Variants in DTL observed in about 807,000 individuals in gnomAD.
DTL encodes denticleless E3 ubiquitin protein ligase adapter.
In DTL, 46 loss-of-function variants were observed where a neutral mutation model predicts 87.0. That is an observed-to-expected ratio of 0.53 (90% CI 0.42 to 0.68). DTL has a LOEUF of 0.68. DTL is among the 30% of genes least tolerant of loss of function. DTL has a pLI of 0.00. For synonymous variants in DTL, 308 were observed against 311.2 expected, an observed-to-expected ratio of 0.99 and a Z score of 0.11; for missense variants, 737 against 869.4, an observed-to-expected ratio of 0.85 and a Z score of 1.91.
At chr1:212,102,717 TTTG>T (rs1655659692) in intron 14 of DTL, 122 bp from the exon 15 acceptor site, 1 of 633,702 alleles carries the variant, frequency 1.6e-6, no homozygotes, top group Non-Finnish European at 2.8e-6. Flanking sequence ...ATTGAAAGTA[TTTG>T]GAGCTGAAAG....
At chr1:212,082,673 A>G (rs1322658925) in intron 13 of DTL, among the ~76,000 whole-genome samples, 1 of 152,192 alleles carries the variant, frequency 6.6e-6, no homozygotes, top group East Asian at 1.9e-4. Flanking sequence ...AGATGGCCAT[A>G]ACTTACAGAA....
At chr1:212,037,162 C>T (rs1260033418) in intron 1 of DTL, among the ~76,000 whole-genome samples, 1 of 152,146 alleles carries the variant, frequency 6.6e-6, no homozygotes, top group Non-Finnish European at 1.5e-5. Flanking sequence ...ACTTCCACAC[C>T]TTACTATATG....
intron 11 of DTL, 40 bp from the exon 12 acceptor site, chr1:212,078,133 A>G (rs1334310102): frequency 2.4e-6 from 3 of 1,245,280 alleles, no homozygotes; most frequent in Non-Finnish European, 3.5e-6. Flanking sequence ...TGGGAAATCT[A>G]ATATTGCTTT....
At position 212,080,749 on chromosome 1, in the gene DTL, A is replaced by C. The variant is rs776489500; in HGVS notation, c.1260A>C (p.Leu420=). The C allele has an allele frequency of 6.2e-7, 1 of 1,613,312 alleles. No individual in the cohort carries two copies. Among genetic ancestry groups the C allele is most frequent in the East Asian group, 2.2e-5 (1 of 44,860 alleles). ...SQKKKESRPG[L]VTVTSSQSTP... is the part of the protein sequence containing the mutation. ...AGAAAAAAGAGTCAAGACCTGGCCT[A>C]GGTAAGGATATCATATACTTTCCAA... Residue 420 remains leucine (L), a splice_region_variant and synonymous_variant, in exon 13 of 15, where the codon CTA becomes CTC. Coordinates refer to ENST00000366991, the MANE Select transcript of DTL (RefSeq NM_016448.4).
intron 13 of DTL, among the ~76,000 whole-genome samples, chr1:212,098,530 G>T (rs1414861141): frequency 6.6e-6 from 1 of 152,132 alleles, no homozygotes; most frequent in Non-Finnish European, 1.5e-5. Context: ...AGACCATCTG[G>T]TGGGGGCAGG....
chr1:212,073,026 A>C (rs1486441401), intron 11 of DTL, among the ~76,000 whole-genome samples: 1 of 152,148 alleles, frequency 6.6e-6, no homozygotes, highest in Non-Finnish European at 1.5e-5. Flanking sequence ...TGGCCTCCCA[A>C]AGTGCTGGGA....
chr1:212,068,592 T>C lies in DTL; in HGVS notation c.818-7T>C, dbSNP rs1654580305. On this transcript the variant is annotated splice_region_variant and splice_polypyrimidine_tract_variant and intron_variant, in intron 9 of 14. Coordinates refer to ENST00000366991, the MANE Select transcript of DTL (RefSeq NM_016448.4). ...AGGACGTGCTAACTTAAGTTTCCTT[T>C]TTCCAGGATATTCAAGTCTGATTTT... 1 of 1,598,292 alleles carries C rather than the reference T, an allele frequency of 6.3e-7. No individual in the cohort carries two copies. The highest frequency in any genetic ancestry group is 1.1e-5 in the South Asian group (1 of 90,454).
chr1:212,080,482 ATAT>A, intron 12 of DTL, 130 bp from the exon 13 acceptor site: 2 of 793,562 alleles, frequency 2.5e-6, no homozygotes, highest in South Asian at 2.4e-5. Flanking sequence ...GATCTTTAAG[ATAT>A]TATTTTCTAT....
rs1028255579 is a variant in DTL, at chr1:212,102,733, G to A, written c.2095-109G>A. ...TTGAAAGTATTTGGAGCTGAAAGCA[G>A]GCTAAACAATGAAATTTCTGGCAGC... On this transcript the variant is annotated intron_variant, in intron 14 of 14. Transcript: ENST00000366991. 5.6e-6 allele frequency: 4 copies of A among 719,050 alleles called. No homozygotes were observed. In the East Asian group the frequency reaches 7.8e-5, roughly 14 times the overall value. 44.5% of individuals were successfully genotyped at this position (719,050 alleles called of 1,614,324 possible). A position where few individuals can be genotyped will look rare whatever the true frequency, so the allele number is the denominator to read the frequency against.
intron 3 of DTL, 23 bp downstream of exon 3, chr1:212,044,781 T>G (rs1466549906): frequency 1.4e-6 from 2 of 1,470,762 alleles, no homozygotes; most frequent in Non-Finnish European, 1.9e-6. Flanking sequence ...CTACAATTTT[T>G]GTTTTAACAT....
At chr1:212,039,696 A>G (rs1667581199) in intron 1 of DTL, among the ~76,000 whole-genome samples, 1 of 152,266 alleles carries the variant, frequency 6.6e-6, no homozygotes, top group South Asian at 2.1e-4. Flanking sequence ...CCTAAGCTAT[A>G]TATTTTTCCT....
chr1:212,068,683 C>T lies in DTL; in HGVS notation c.902C>T (p.Thr301Ile), dbSNP rs1654583653. Residue 301 changes from threonine to isoleucine, a missense_variant, in exon 10 of 15, where the codon ACT becomes ATT. Thr to Ile is a moderately conservative substitution (Grantham distance 89). Coordinates refer to ENST00000366991, the MANE Select transcript of DTL (RefSeq NM_016448.4). ...GATAACATCTACATGTTTAATATGA[C>T]TGGGTTGAAGACTTCTCCAGGTAAG... ...TDDNIYMFNMTGLKTSPVAIF... is the reference protein window; with the variant it reads ...TDDNIYMFNMIGLKTSPVAIF... 6.2e-7 allele frequency: 1 copy of T among 1,609,946 alleles called. No individual in the cohort carries two copies.
At chr1:212,055,702 C>T (rs1430489904) in intron 5 of DTL, among the ~76,000 whole-genome samples, 1 of 152,208 alleles carries the variant, frequency 6.6e-6, no homozygotes, top group Non-Finnish European at 1.5e-5. Context: ...TGCAGCATAG[C>T]TGCTGCTGCC....
chr1:212,102,994 T>C lies in DTL; in HGVS notation c.*54T>C. The C allele has an allele frequency of 9.4e-7, 1 of 1,064,982 alleles. No individual in the cohort carries two copies. The highest frequency in any genetic ancestry group is 1.4e-6 in the Non-Finnish European group (1 of 708,272). The allele number at this position is 1,064,982 out of a possible 1,614,324, so 66.0% of individuals were successfully genotyped here. A position where few individuals can be genotyped will look rare whatever the true frequency, so the allele number is the denominator to read the frequency against. On this transcript the variant is annotated 3_prime_UTR_variant, in exon 15 of 15. Transcript: ENST00000366991. ...TGGTCCACTAAAACAAGCTGAGCTTTGGTCCACTAAAACAAGATGAAAAAT... is the reference window on the plus strand; with the variant it reads ...TGGTCCACTAAAACAAGCTGAGCTTCGGTCCACTAAAACAAGATGAAAAAT...
At position 212,054,407 on chromosome 1, in the gene DTL, C is replaced by CAAA. The variant is rs79544521; in HGVS notation, c.460+7002_460+7004dup. Among the ~76,000 whole-genome samples, 309 of 136,298 alleles carry CAAA rather than the reference C, an allele frequency of 2.3e-3. 3 individuals are homozygous for CAAA. Among genetic ancestry groups the CAAA allele is most frequent in the African/African-American group, 8.0e-3 (276 of 34,708 alleles). The allele number at this position is 136,298 out of a possible 152,430, so 89.4% of individuals were successfully genotyped here. A position where few individuals can be genotyped will look rare whatever the true frequency, so the allele number is the denominator to read the frequency against. ...TGTCCTCAAGGTAAAACCACACACA[C>CAAA]AAAAAAAAAAAAAACACCAAAAAAC... On this transcript the variant is annotated intron_variant, in intron 5 of 14. Coordinates refer to ENST00000366991, the MANE Select transcript of DTL (RefSeq NM_016448.4).
rs151016754 is a variant in DTL at position 212,049,128 on chromosome 1, G to A, written c.460+1711G>A. ...AGTAGAGACAGGGTTTCGCCATGTC[G>A]GCCAGGTTGGTCTCGAACTCCTAAC... On this transcript the variant is annotated intron_variant, in intron 5 of 14. Coordinates refer to ENST00000366991, the MANE Select transcript of DTL (RefSeq NM_016448.4). 5.1e-3 allele frequency among the ~76,000 whole-genome samples: 772 copies of A among 152,198 alleles called. 8 individuals are homozygous for A. Among genetic ancestry groups the A allele is most frequent in the African/African-American group, 0.018 (731 of 41,530 alleles).
In DTL at chr1:212,035,820, C is replaced by A; in HGVS notation, c.-71C>A. 6.8e-7 allele frequency: 1 copy of A among 1,478,898 alleles called. No homozygotes were observed. Among genetic ancestry groups the A allele is most frequent in the Non-Finnish European group, 9.4e-7 (1 of 1,059,780 alleles). The allele number at this position is 1,478,898 out of a possible 1,614,324, so 91.6% of individuals were successfully genotyped here. Reference sequence around the variant, plus strand: ...CGATTTGTGTTGTGAGAGGCGCAAGCTGCGATTTCTGCTGAACTTGGAGGC... The same window carrying A: ...CGATTTGTGTTGTGAGAGGCGCAAGATGCGATTTCTGCTGAACTTGGAGGC... On this transcript the variant is annotated 5_prime_UTR_variant, in exon 1 of 15. It adds an upstream start codon to the 5' untranslated region. Coordinates refer to ENST00000366991, the MANE Select transcript of DTL (RefSeq NM_016448.4).
intron 13 of DTL, among the ~76,000 whole-genome samples, chr1:212,091,641 C>G (rs1185197833): frequency 6.6e-6 from 1 of 152,144 alleles, no homozygotes; most frequent in East Asian, 1.9e-4. Context: ...TTTGCAACAA[C>G]AGGGATGAAC....
chr1:212,082,300 G>T (rs1655010313), intron 13 of DTL, among the ~76,000 whole-genome samples: 1 of 152,208 alleles, frequency 6.6e-6, no homozygotes, highest in Non-Finnish European at 1.5e-5. Flanking sequence ...TGTCATTCAT[G>T]TATATGACTT....
Sources: allele counts gnomAD v4.1 joint callset (sites outside exome capture counted in the v4.1 genomes callset), GRCh38; gene constraint gnomAD v4.1.1; transcripts MANE v1.5; gene names NCBI Gene and HGNC (gene_info 2026-07-23, HGNC 2026-07-21).